PTPRN2: variants seen among roughly 807,000 people sequenced by gnomAD.
The protein encoded by PTPRN2 is protein tyrosine phosphatase receptor type N2.
PTPRN2 carries 74 observed loss-of-function variants against 118.8 expected under a neutral mutation model. That is an observed-to-expected ratio of 0.62 (90% CI 0.52 to 0.76). PTPRN2 has a LOEUF of 0.76. Ranked by LOEUF, PTPRN2 falls within the 30% of genes least tolerant of loss-of-function variation. The probability of loss-of-function intolerance (pLI) is 0.00; values close to 1 mark genes in which losing one functional copy is unlikely to be tolerated. For synonymous variants in PTPRN2, 641 were observed against 608.0 expected (o/e 1.05, Z -0.80); for missense variants, 1,481 against 1,394.4 (o/e 1.06, Z -0.99).
intron 16 of PTPRN2, among the ~76,000 whole-genome samples, chr7:157,597,142 T>A (rs1483600042): frequency 6.6e-6 from 1 of 152,148 alleles, no homozygotes; most frequent in African/African-American, 2.4e-5. Flanking sequence ...GGAACAGATG[T>A]AAGTTATTCT....
chr7:158,561,866 G>A (rs887274971), intron 1 of PTPRN2, among the ~76,000 whole-genome samples: 9 of 151,904 alleles, frequency 5.9e-5, no homozygotes, highest in Non-Finnish European at 1.0e-4. Context: ...CATCCCCACT[G>A]CCCGTGGCCC....
chr7:157,858,894 C>T (rs868264419), intron 12 of PTPRN2, among the ~76,000 whole-genome samples: 3 of 2,642 alleles, frequency 1.1e-3, no homozygotes, highest in Non-Finnish European at 1.7e-3. Flanking sequence ...AGGGAGAGCC[C>T]CCCAGCTACC....
intron 9 of PTPRN2, among the ~76,000 whole-genome samples, chr7:158,130,613 TAC>T (rs1335696980): frequency 7.0e-6 from 1 of 143,148 alleles, no homozygotes; most frequent in East Asian, 2.1e-4. Flanking sequence ...CTACCCTACA[TAC>T]ACACTCATAT....
At chr7:158,234,795 C>T (rs976521331) in intron 3 of PTPRN2, among the ~76,000 whole-genome samples, 4 of 152,154 alleles carry the variant, frequency 2.6e-5, no homozygotes, top group African/African-American at 9.7e-5. Flanking sequence ...CGGAGTCTTG[C>T]TCTGTCTCCC....
intron 2 of PTPRN2, among the ~76,000 whole-genome samples, chr7:158,443,985 G>A (rs1007675826): frequency 3.3e-5 from 5 of 152,190 alleles, no homozygotes; most frequent in South Asian, 2.1e-4. Context: ...GCTCATACCC[G>A]TCTCTGGGTG....
Position 158,137,105 on chromosome 7 carries a change from G to A in PTPRN2, c.1133-410C>T, listed in dbSNP as rs147402282. On this transcript the variant is annotated intron_variant, in intron 7 of 22. Coordinates refer to ENST00000389418, the MANE Select transcript of PTPRN2 (RefSeq NM_002847.5). The stretch of plus-strand genomic sequence containing the variant: ...ATCCACTGACTTAGGTTATTTCACT[G>A]TGGTCAGCGTTTCTCTCTAAATAGG... Among the ~76,000 whole-genome samples the A allele has an allele frequency of 1.3e-3, 196 of 152,288 alleles. 1 individual carries two copies. The highest frequency in any genetic ancestry group is 4.2e-3 in the African/African-American group (174 of 41,570).
chr7:158,033,692 C>T (rs1563346802), intron 11 of PTPRN2, among the ~76,000 whole-genome samples: 1 of 152,168 alleles, frequency 6.6e-6, no homozygotes, highest in Non-Finnish European at 1.5e-5. Flanking sequence ...GTGAGCATCC[C>T]TGGTCAGCAA....
chr7:157,695,865 A>G (rs1013916018), intron 12 of PTPRN2, among the ~76,000 whole-genome samples: 1 of 152,172 alleles, frequency 6.6e-6, no homozygotes, highest in East Asian at 1.9e-4. Context: ...GGATCTTAGT[A>G]GAGCCCTCAC....
intron 13 of PTPRN2, among the ~76,000 whole-genome samples, chr7:157,670,724 T>C (rs1796367737): frequency 6.6e-6 from 1 of 152,186 alleles, no homozygotes; most frequent in Admixed American, 6.5e-5. Context: ...AAAAAGTCAG[T>C]GGTGCCTTCA....
intron 13 of PTPRN2, chr7:157,669,585 A>C (rs1202846482): frequency 4.1e-6 from 2 of 484,024 alleles, no homozygotes; most frequent in Admixed American, 4.3e-5. Context: ...ACGGGCAAAC[A>C]AGCCGAGTCA....
chr7:157,741,652 G>T (rs763788314), intron 12 of PTPRN2, among the ~76,000 whole-genome samples: 8 of 152,184 alleles, frequency 5.3e-5, no homozygotes, highest in Non-Finnish European at 1.2e-4. Flanking sequence ...CCTCTGGGAG[G>T]TCAGTTTTAC....
chr7:158,357,339 G>A (rs1278469756), intron 2 of PTPRN2, among the ~76,000 whole-genome samples: 3 of 152,352 alleles, frequency 2.0e-5, no homozygotes, highest in Admixed American at 6.5e-5. Flanking sequence ...TGTCGTTGAC[G>A]CCCTGTGGCA....
chr7:158,387,565 C>T (rs556284451), intron 2 of PTPRN2, among the ~76,000 whole-genome samples: 1 of 152,298 alleles, frequency 6.6e-6, no homozygotes, highest in African/African-American at 2.4e-5. Context: ...GCTGCGGCAT[C>T]CCTGTCAGCT....
intron 6 of PTPRN2, among the ~76,000 whole-genome samples, chr7:158,139,683 G>A (rs948020576): frequency 2.0e-5 from 3 of 152,066 alleles, no homozygotes; most frequent in African/African-American, 7.2e-5. Flanking sequence ...GAAAGCAGCG[G>A]GGGCGGGGCG....
chr7:158,321,887 A>G (rs2151116253), intron 2 of PTPRN2, among the ~76,000 whole-genome samples: 1 of 152,316 alleles, frequency 6.6e-6, no homozygotes, highest in Admixed American at 6.5e-5. Context: ...TTAACTGCCA[A>G]ACTTACTGTG....
At chr7:157,798,194 G>A (rs1430973549) in intron 12 of PTPRN2, among the ~76,000 whole-genome samples, 1 of 152,216 alleles carries the variant, frequency 6.6e-6, no homozygotes, top group East Asian at 1.9e-4. Flanking sequence ...GGGAGGCGGA[G>A]GTTGCAGTGA....
chr7:158,249,752 G>A (rs554034040), intron 3 of PTPRN2, among the ~76,000 whole-genome samples: 31 of 152,188 alleles, frequency 2.0e-4, no homozygotes, highest in Admixed American at 6.5e-4. Context: ...TTATCTCAGC[G>A]GTCAGATGCC....
rs116965258 is a variant in PTPRN2 at position 157,703,473 on chromosome 7, A to G, written c.1789-20536T>C. Reference sequence around the variant, plus strand: ...CCCAGCTGGTCCACACCAGGACCCCAGGCCCACAGAAACTGTAAGATAAAA... The same window carrying G: ...CCCAGCTGGTCCACACCAGGACCCCGGGCCCACAGAAACTGTAAGATAAAA... On this transcript the variant is annotated intron_variant, in intron 12 of 22. Coordinates refer to ENST00000389418, the MANE Select transcript of PTPRN2 (RefSeq NM_002847.5). Among the ~76,000 whole-genome samples, 1,108 of 152,314 alleles carry G rather than the reference A, an allele frequency of 7.3e-3. 62 individuals carry two copies. The South Asian group carries it at 0.14, about 20-fold the overall frequency.
In PTPRN2 at chr7:157,617,198, G is replaced by T. The variant is rs1339980930; in HGVS notation, c.2344+4164C>A. On this transcript the variant is annotated intron_variant, in intron 15 of 22. Coordinates refer to ENST00000389418, the MANE Select transcript of PTPRN2 (RefSeq NM_002847.5). The surrounding 1 kb of genome is among the most constrained non-coding windows in gnomAD (Gnocchi z 7.5). ...GCTCACGATGCCCCAGTGATGCCGT[G>T]GTTAGGACACTGCTCACGCAGCTGC... 6.6e-6 allele frequency: 1 copy of T among 152,264 alleles called. No individual in the cohort carries two copies. Among genetic ancestry groups the T allele is most frequent in the Non-Finnish European group, 1.5e-5 (1 of 68,074 alleles). 9.4% of individuals were successfully genotyped at this position (152,264 alleles called of 1,614,324 possible).
Sources: allele counts gnomAD v4.1 joint callset (sites outside exome capture counted in the v4.1 genomes callset), GRCh38; gene constraint gnomAD v4.1.1; non-coding constraint Gnocchi (gnomAD v3.1); transcripts MANE v1.5; gene names NCBI Gene and HGNC (gene_info 2026-07-23, HGNC 2026-07-21).